RIMS2: variants seen among roughly 807,000 people sequenced by gnomAD.
The protein encoded by RIMS2 is regulating synaptic membrane exocytosis 2, also known as regulating synaptic membrane exocytosis protein 2.
Under a neutral mutation model 174.4 loss-of-function variants are expected in RIMS2, and 59 were observed. The observed-to-expected ratio is 0.34, with a 90% CI of 0.27 to 0.42. RIMS2 has a LOEUF of 0.42. Among genes scored for constraint, RIMS2 ranks in the 10% least tolerant of loss-of-function variants. The pLI, the probability that RIMS2 is intolerant of heterozygous loss-of-function variation, is 1.00. For missense variants in RIMS2, 1,620 were observed against 1,666.3 expected, an observed-to-expected ratio of 0.97 and a Z score of 0.48; for synonymous variants, 606 against 572.5, an observed-to-expected ratio of 1.06 and a Z score of -0.84.
exon 19 of RIMS2, chr8:104,014,530 C>T: frequency 6.2e-7 from 1 of 1,611,448 alleles, no homozygotes; most frequent in Non-Finnish European, 8.5e-7. Context: ...CTGGGTCTGT[C>T]CAGACAAGCC....
chr8:103,828,688 A>G (rs1369513165), intron 3 of RIMS2, among the ~76,000 whole-genome samples: 1 of 147,376 alleles, frequency 6.8e-6, no homozygotes, highest in African/African-American at 2.5e-5. Flanking sequence ...TTTTTTTTTT[A>G]TAGTCTTGGG....
chr8:103,763,006 T>C (rs2098128572), intron 2 of RIMS2, among the ~76,000 whole-genome samples: 1 of 152,168 alleles, frequency 6.6e-6, no homozygotes, highest in Non-Finnish European at 1.5e-5. Flanking sequence ...ACTGAACTAT[T>C]GTTATGCAGC....
intron 2 of RIMS2, among the ~76,000 whole-genome samples, chr8:103,757,585 C>T (rs2098040094): frequency 6.6e-6 from 1 of 152,114 alleles, no homozygotes; most frequent in African/African-American, 2.4e-5. Context: ...AAAATGGCCC[C>T]TCTAAAGATA....
chr8:103,573,597 T>C (rs1002984411), intron 1 of RIMS2, among the ~76,000 whole-genome samples: 1 of 151,998 alleles, frequency 6.6e-6, no homozygotes, highest in Non-Finnish European at 1.5e-5. Context: ...TTGTACCATA[T>C]CGTTTTGGTT....
rs1481141212 is a variant in RIMS2 at position 103,674,482 on chromosome 8, C to A, written c.177-22604C>A. ...ATTTTAAAATTCTTTTTATTTTTAA[C>A]TGTTTTTTTTGTATCTATATCTTTT... On this transcript the variant is annotated intron_variant, in intron 1 of 23. Coordinates refer to ENST00000504942, the Ensembl canonical transcript of RIMS2. Among the ~76,000 whole-genome samples, 3 of 151,828 alleles carry A rather than the reference C, an allele frequency of 2.0e-5. No individual in the cohort carries two copies. The East Asian group carries it at 5.8e-4, about 29-fold the overall frequency.
intron 3 of RIMS2, among the ~76,000 whole-genome samples, chr8:103,794,113 C>A (rs562310620): frequency 3.3e-5 from 5 of 151,978 alleles, no homozygotes; most frequent in Non-Finnish European, 7.4e-5. Flanking sequence ...AAAAAAGAGC[C>A]CACATTGCCA....
intron 19 of RIMS2, among the ~76,000 whole-genome samples, chr8:104,016,059 A>ATT (rs1472664591): frequency 3.3e-5 from 5 of 152,072 alleles, no homozygotes; most frequent in African/African-American, 1.2e-4. Flanking sequence ...ATGGTGATAT[A>ATT]TGGAGTGTCA....
downstream of RIMS2, chr8:104,252,940 A>T (rs574522713): frequency 3.1e-4 from 47 of 152,136 alleles, no homozygotes; most frequent in African/African-American, 1.1e-3. Flanking sequence ...CTCATACCCC[A>T]TGTTTGATTC....
intron 19 of RIMS2, among the ~76,000 whole-genome samples, chr8:104,110,262 G>A (rs1338224554): frequency 1.3e-5 from 2 of 152,076 alleles, no homozygotes; most frequent in African/African-American, 4.8e-5. Flanking sequence ...TGTAACCAAA[G>A]TTCAGGGTTC....
rs138358590 is a variant in RIMS2, at chr8:104,180,679, G to T, written c.3335-64237G>T. On this transcript the variant is annotated intron_variant, in intron 19 of 23. Transcript: ENST00000504942. Reference sequence around the variant, plus strand: ...CTTTGAAGCATAGACTTTAATCTATGACTCATTGCTTTTTAAGGTCATTGC... The same window carrying T: ...CTTTGAAGCATAGACTTTAATCTATTACTCATTGCTTTTTAAGGTCATTGC... 6.7e-3 allele frequency among the ~76,000 whole-genome samples: 1,022 copies of T among 151,678 alleles called. 46 individuals carry two copies. Among genetic ancestry groups the T allele is most frequent in the Admixed American group, 0.063 (963 of 15,166 alleles).
At chr8:103,715,387 T>C (rs2097355904) in intron 2 of RIMS2, among the ~76,000 whole-genome samples, 1 of 152,128 alleles carries the variant, frequency 6.6e-6, no homozygotes, top group Admixed American at 6.5e-5. Context: ...CCTGTGTCCA[T>C]GTGTTCTGAT....
intron 19 of RIMS2, among the ~76,000 whole-genome samples, chr8:104,188,891 A>G (rs2098983252): frequency 1.3e-5 from 2 of 151,880 alleles, no homozygotes; most frequent in South Asian, 2.1e-4. Context: ...CAGTAGTTGT[A>G]TGGACTGGGA....
intron 1 of RIMS2, among the ~76,000 whole-genome samples, chr8:103,512,424 T>C (rs1826978793): frequency 6.6e-6 from 1 of 152,186 alleles, no homozygotes; most frequent in African/African-American, 2.4e-5. Context: ...GTTATATGTT[T>C]CTCTGGATCT....
Position 103,829,263 on chromosome 8 carries a change from A to G in RIMS2, c.699-56035A>G, listed in dbSNP as rs2098811065. 2.0e-5 allele frequency among the ~76,000 whole-genome samples: 3 copies of G among 152,180 alleles called. No individual in the cohort carries two copies. In the South Asian group the frequency reaches 6.2e-4, roughly 31 times the overall value. On this transcript the variant is annotated intron_variant, in intron 3 of 23. Coordinates refer to ENST00000504942, the Ensembl canonical transcript of RIMS2. ...ATAGCAGATGCTGGCAAGGTTGTGA[A>G]GAAAAGAGAATGTTTATACACTGTT... is the stretch of plus-strand genomic sequence containing the variant.
intron 1 of RIMS2, among the ~76,000 whole-genome samples, chr8:103,613,655 C>G (rs1207655906): frequency 6.6e-6 from 1 of 152,140 alleles, no homozygotes; most frequent in Admixed American, 6.6e-5. Flanking sequence ...CTGGGAATGT[C>G]CTATAGTCAG....
At chr8:103,801,438 C>A (rs2098607255) in intron 3 of RIMS2, among the ~76,000 whole-genome samples, 1 of 152,168 alleles carries the variant, frequency 6.6e-6, no homozygotes, top group South Asian at 2.1e-4. Flanking sequence ...TCTAAATAAT[C>A]ATTTAAAAGT....
chr8:103,689,556 A>G (rs1277028919), intron 1 of RIMS2, among the ~76,000 whole-genome samples: 1 of 152,148 alleles, frequency 6.6e-6, no homozygotes, highest in East Asian at 1.9e-4. Flanking sequence ...GTGGATATAG[A>G]TTTATAATTG....
intron 1 of RIMS2, among the ~76,000 whole-genome samples, chr8:103,592,435 C>A (rs12546227): frequency 0.12 from 18,717 of 151,108 alleles, 1,251 homozygotes; most frequent in Middle Eastern, 0.22. Flanking sequence ...CACCTAAAAT[C>A]ATTTAGTGTC....
intron 1 of RIMS2, among the ~76,000 whole-genome samples, chr8:103,638,016 T>C (rs12334852): frequency 0.06 from 9,114 of 152,168 alleles, 912 homozygotes; most frequent in African/African-American, 0.2. Flanking sequence ...TCAACTGGGG[T>C]TTTGAAGTTA....
Sources: gnomAD v4.1 joint callset for allele counts (sites outside exome capture counted in the v4.1 genomes callset) on GRCh38, gnomAD v4.1.1 for gene constraint, MANE v1.5 for transcripts, NCBI Gene and HGNC (gene_info 2026-07-23, HGNC 2026-07-21) for gene names.